Variants in RABGEF1 observed in about 807,000 individuals in gnomAD.
RABGEF1 encodes the protein RAB guanine nucleotide exchange factor 1, also known as rab5 GDP/GTP exchange factor.
A neutral mutation model predicts 57.3 loss-of-function variants in RABGEF1; 26 were observed. The ratio of observed to expected loss-of-function variants is 0.45; its 90% CI spans 0.33 to 0.63. The LOEUF is 0.63. RABGEF1 is among the 20% of genes least tolerant of loss of function. The pLI is 0.02. For missense variants in RABGEF1, 464 were observed against 607.6 expected (o/e 0.76, Z 2.48); for synonymous variants, 185 against 210.7 (o/e 0.88, Z 1.06).
Position 66,691,896 on chromosome 7 carries a change from TA to T in RABGEF1, c.-873+9649del, listed in dbSNP as rs78478057. Among the ~76,000 whole-genome samples, 1,101 of 147,594 alleles carry T rather than the reference TA, an allele frequency of 7.5e-3. 14 individuals are homozygous for T. The highest frequency in any genetic ancestry group is 0.024 in the African/African-American group (963 of 40,244). On this transcript the variant is annotated intron_variant and NMD_transcript_variant, in intron 1 of 9. Coordinates refer to the RABGEF1 transcript ENST00000607882. ...TAGCAAGATCCCATTTCTACAAAAT[TA>T]AAAAAAAAAATTAGTAAAGTGTGCT...
intron 2 of RABGEF1, among the ~76,000 whole-genome samples, chr7:66,727,662 T>A (rs1203354395): frequency 6.6e-6 from 1 of 152,218 alleles, no homozygotes; most frequent in Admixed American, 6.5e-5. Context: ...GGCCGGCCCA[T>A]GCTCCCAGCC....
At chr7:66,664,055 C>G in the RABGEF1 span, among the ~76,000 whole-genome samples, 1 of 137,856 alleles carries the variant, frequency 7.3e-6, no homozygotes. Context: ...GCCTGGGTGA[C>G]AGTGAGACTT....
At chr7:66,748,759 C>A (rs950859943) in intron 1 of RABGEF1, 1 of 155,220 alleles carries the variant, frequency 6.4e-6, no homozygotes, top group Non-Finnish European at 1.5e-5. Flanking sequence ...TATACCTTCA[C>A]TATCAATTGT....
At chr7:66,741,778 C>T (rs1799013921) in intron 1 of RABGEF1, among the ~76,000 whole-genome samples, 2 of 152,138 alleles carry the variant, frequency 1.3e-5, no homozygotes, top group East Asian at 3.9e-4. Flanking sequence ...GTGATCCTCC[C>T]GCCTCGGCCT....
intron 7 of RABGEF1, among the ~76,000 whole-genome samples, chr7:66,801,533 AT>A (rs2129182909): frequency 6.6e-6 from 1 of 152,230 alleles, no homozygotes; most frequent in South Asian, 2.1e-4. Flanking sequence ...ACTATCCCCC[AT>A]GCCCTGCATT....
chr7:66,736,471 A>G (rs544596837), upstream of RABGEF1, among the ~76,000 whole-genome samples: 46 of 152,322 alleles, frequency 3.0e-4, no homozygotes, highest in Admixed American at 1.2e-3. Flanking sequence ...GGCAAAGAAT[A>G]CAATGTGAGC....
chr7:66,690,261 C>G (rs1021958697), intron 1 of RABGEF1, among the ~76,000 whole-genome samples: 1 of 151,358 alleles, frequency 6.6e-6, no homozygotes, highest in Admixed American at 6.6e-5. Context: ...CCACCACACC[C>G]GGCTAATTTT....
chr7:66,799,055 G>A (rs1340125665), intron 6 of RABGEF1, among the ~76,000 whole-genome samples: 1 of 152,232 alleles, frequency 6.6e-6, no homozygotes, highest in Non-Finnish European at 1.5e-5. Context: ...CAGATACTGA[G>A]TGCATTTCAG....
chr7:66,799,503 G>A (rs1786796431), intron 7 of RABGEF1, 89 bp downstream of exon 7: 23 of 1,083,030 alleles, frequency 2.1e-5, no homozygotes, highest in Non-Finnish European at 3.1e-5. Context: ...TTTGTAAAAT[G>A]CAGATTGTCG....
At chr7:66,718,396 G>T (rs1228642385) in intron 2 of RABGEF1, among the ~76,000 whole-genome samples, 4 of 152,038 alleles carry the variant, frequency 2.6e-5, no homozygotes, top group African/African-American at 2.4e-5. Flanking sequence ...TCCTGGTTTG[G>T]TAATTCCAAC....
chr7:66,759,208 C>A (rs1382344537), intron 1 of RABGEF1, among the ~76,000 whole-genome samples: 1 of 152,186 alleles, frequency 6.6e-6, no homozygotes, highest in African/African-American at 2.4e-5. Context: ...TTTCGTAATT[C>A]GTTCGAGGCT....
intron 1 of RABGEF1, among the ~76,000 whole-genome samples, chr7:66,696,125 G>A (rs142689955): frequency 0.015 from 2,210 of 152,076 alleles, 59 homozygotes; most frequent in East Asian, 0.092. Flanking sequence ...GAGTGCAGTG[G>A]CACAATCATA....
the RABGEF1 span, among the ~76,000 whole-genome samples, chr7:66,669,544 G>A: frequency 6.6e-6 from 1 of 152,168 alleles, no homozygotes; most frequent in African/African-American, 2.4e-5. Flanking sequence ...CCTTTATGGT[G>A]GGCTTGGGTA....
At chr7:66,672,266 C>CAA in the RABGEF1 span, among the ~76,000 whole-genome samples, 484 of 108,370 alleles carry the variant, frequency 4.5e-3, 6 homozygotes, top group East Asian at 0.052. Context: ...ACTAAAAATA[C>CAA]AAAAAAAAAA....
At chr7:66,804,902 G>A (rs12536130) in intron 7 of RABGEF1, among the ~76,000 whole-genome samples, 5,995 of 152,188 alleles carry the variant, frequency 0.039, 166 homozygotes, top group East Asian at 0.085. Flanking sequence ...AGTATCCATT[G>A]CATAATATGA....
intron 1 of RABGEF1, among the ~76,000 whole-genome samples, chr7:66,684,466 C>CA (rs1554304451): frequency 6.6e-6 from 1 of 152,024 alleles, no homozygotes; most frequent in Admixed American, 6.6e-5. Flanking sequence ...CAAAACAAAA[C>CA]AAAAACAAGA....
chr7:66,690,651 G>A (rs1405444599), intron 1 of RABGEF1, among the ~76,000 whole-genome samples: 1 of 151,404 alleles, frequency 6.6e-6, no homozygotes, highest in Non-Finnish European at 1.5e-5. Flanking sequence ...GGCTGCAGTG[G>A]GCCATGATTG....
chr7:66,808,340 C>G (rs2129198302), intron 8 of RABGEF1, among the ~76,000 whole-genome samples: 1 of 152,174 alleles, frequency 6.6e-6, no homozygotes, highest in Middle Eastern at 3.4e-3. Flanking sequence ...CTCAGTCTCC[C>G]AGGTAGCGGG....
intron 1 of RABGEF1, among the ~76,000 whole-genome samples, chr7:66,750,497 C>T (rs1341253752): frequency 1.3e-5 from 2 of 152,084 alleles, no homozygotes; most frequent in Admixed American, 1.3e-4. Flanking sequence ...TTTTTCATTA[C>T]CTGTAAGAGC....
Sources: gnomAD v4.1 joint callset for allele counts (sites outside exome capture counted in the v4.1 genomes callset) on GRCh38, gnomAD v4.1.1 for gene constraint, MANE v1.5 for transcripts, NCBI Gene and HGNC (gene_info 2026-07-23, HGNC 2026-07-21) for gene names.